Variants in AARS1 observed in about 807,000 individuals in gnomAD.
The protein encoded by AARS1 is alanine--tRNA ligase, cytoplasmic.
AARS1 carries 72 observed loss-of-function variants against 108.9 expected under a neutral mutation model. That is an observed-to-expected ratio of 0.66 (90% confidence interval 0.55 to 0.80). AARS1 has a LOEUF of 0.80. AARS1 is among the 30% of genes least tolerant of loss of function. The probability of loss-of-function intolerance (pLI) is 0.00; values close to 1 mark genes in which losing one functional copy is unlikely to be tolerated. For missense variants in AARS1, 1,193 were observed against 1,233.2 expected (o/e 0.97, Z 0.49); for synonymous variants, 489 against 465.7 (o/e 1.05, Z -0.64).
chr16:70,285,075 A>G (rs1375547015), intron 1 of AARS1, among the ~76,000 whole-genome samples: 1 of 152,164 alleles, frequency 6.6e-6, no homozygotes, highest in Non-Finnish European at 1.5e-5. Flanking sequence ...ACTAAAATAC[A>G]AAAATTAGCC....
rs1301173556 is a variant in AARS1, at chr16:70,265,086, T to C, written c.1364A>G (p.Lys455Arg). The C allele has an allele frequency of 1.2e-6, 2 of 1,614,128 alleles. No individual in the cohort carries two copies. The highest frequency in any genetic ancestry group is 1.1e-5 in the South Asian group (1 of 91,084). The change falls in exon 11 of 21, where the codon AAG becomes AGG. Residue 455 changes from lysine (K) to arginine (R), a missense_variant. Coordinates refer to ENST00000261772, the MANE Select transcript of AARS1 (RefSeq NM_001605.3). The stretch of plus-strand genomic sequence containing the variant: ...AATGAGGTCTTCCCCACCAGCTCCC[T>C]TGCCCTGTGATTTCAGCTGTCAGCA... ...RKLAQLKSQGKGAGGEDLIML... is the reference protein window; with the variant it reads ...RKLAQLKSQGRGAGGEDLIML...
At position 70,252,758 on chromosome 16, in the gene AARS1, G is replaced by T. The variant is rs146540551; in HGVS notation, c.2870C>A (p.Ser957Tyr). 2.5e-6 allele frequency: 4 copies of T among 1,614,176 alleles called. No homozygotes were observed. In the Middle Eastern group the frequency reaches 4.9e-4, roughly 200 times the overall value. The change falls in exon 21 of 21, where the codon TCC becomes TAC. Residue 957 changes from serine (S) to tyrosine (Y), a missense_variant. By Grantham distance (144) the Ser-to-Tyr change is moderately radical. Transcript: ENST00000261772. ...ATCCCCGAGGCGCAGCTGGGCGAAG[G>T]AAGTGGCCAGCTGCAGCGCCTCCTG... ...CLQEALQLAT[S>Y]FAQLRLGDVK...
At chr16:70,259,824 G>A (rs1960091071) in intron 13 of AARS1, among the ~76,000 whole-genome samples, 1 of 151,748 alleles carries the variant, frequency 6.6e-6, no homozygotes, top group African/African-American at 2.4e-5. Context: ...CCAGTCTGGA[G>A]TGCTATGGCA....
At position 70,258,042 on chromosome 16, in the gene AARS1, C is replaced by G; in HGVS notation, c.2168G>C (p.Cys723Ser). The G allele has an allele frequency of 2.5e-6, 4 of 1,614,156 alleles. No individual in the cohort carries two copies. The highest frequency in any genetic ancestry group is 2.5e-6 in the Non-Finnish European group (3 of 1,180,046). The stretch of plus-strand genomic sequence containing the variant: ...CCTCTGCAGTACTCACGTTCCCCCA[C>G]AGAACTCAACAGAAGTCAGGGAGCC... ...PAGSLTSVEF[C>S]GGTHLRNSSH... is the part of the protein sequence containing the mutation. Residue 723 changes from cysteine to serine, a missense_variant, in exon 15 of 21, where the codon TGT becomes TCT. Coordinates refer to ENST00000261772, the MANE Select transcript of AARS1 (RefSeq NM_001605.3).
chr16:70,277,084 G>T lies in AARS1; in HGVS notation c.215C>A (p.Thr72Asn). Residue 72 changes from threonine to asparagine, a missense_variant, in exon 3 of 21, where the codon ACC (threonine) becomes AAC (asparagine). Thr to Asn is a moderately conservative substitution (Grantham distance 65, BLOSUM62 0). Transcript: ENST00000261772. Reference sequence around the variant, plus strand: ...GCCCCCAGCCCGGATGCACTTCTGGGTATTGGCAGCTCTGCTCAGCTTTGC... The same window carrying T: ...GCCCCCAGCCCGGATGCACTTCTGGTTATTGGCAGCTCTGCTCAGCTTTGC... ...PMAKLSRAANTQKCIRAGGKH... is the reference protein window; with the variant it reads ...PMAKLSRAANNQKCIRAGGKH... The T allele has an allele frequency of 6.2e-7, 1 of 1,614,162 alleles. No homozygotes were observed. The highest frequency in any genetic ancestry group is 1.7e-5 in the Admixed American group (1 of 60,002).
At chr16:70,265,695 A>AC (rs1567605944) in intron 9 of AARS1, 33 bp from the exon 10 acceptor site, 1 of 1,611,484 alleles carries the variant, frequency 6.2e-7, no homozygotes, top group Non-Finnish European at 8.5e-7. Context: ...GTCAAAAAAA[A>AC]CAGACAGCCC....
intron 5 of AARS1, 25 bp downstream of exon 5, chr16:70,271,756 G>A (rs1255141628): frequency 3.1e-6 from 5 of 1,611,934 alleles, no homozygotes; most frequent in Non-Finnish European, 3.4e-6. Flanking sequence ...TCAAGGAAAG[G>A]AATGGAGTAG....
In AARS1 at chr16:70,282,767, G is replaced by C; in HGVS notation, c.-4C>G. On this transcript the variant is annotated 5_prime_UTR_variant, in exon 2 of 21. Transcript: ENST00000261772. ...TTGCTGTTAGAGTAGAGTCCATCTT[G>C]AAAGTCACCCCAAAGAACTAATCAA... 6.2e-7 allele frequency: 1 copy of C among 1,613,890 alleles called. No individual in the cohort carries two copies.
At chr16:70,275,112 T>C (rs1038647171) in intron 4 of AARS1, among the ~76,000 whole-genome samples, 1 of 151,266 alleles carries the variant, frequency 6.6e-6, no homozygotes, top group Non-Finnish European at 1.5e-5. Flanking sequence ...ATACAAAAAT[T>C]AGCCAGGTGT....
chr16:70,270,085 G>C (rs1421541905), intron 6 of AARS1, 111 bp downstream of exon 6: 1 of 1,347,414 alleles, frequency 7.4e-7, no homozygotes, highest in Non-Finnish European at 1.1e-6. Context: ...AGATGGAAAT[G>C]GGTACCCTTG....
chr16:70,282,610 A>C lies in AARS1; in HGVS notation c.144+10T>G. The C allele has an allele frequency of 6.2e-7, 1 of 1,614,108 alleles. No homozygotes were observed. Among genetic ancestry groups the C allele is most frequent in the Non-Finnish European group, 8.5e-7 (1 of 1,180,030 alleles). On this transcript the variant is annotated intron_variant, in intron 2 of 20. Coordinates refer to ENST00000261772, the MANE Select transcript of AARS1 (RefSeq NM_001605.3). ...GAACCAAAAGCCAAGAAAAAAGGAA[A>C]AACCCTTACCTGGTTCATGCCTGCA...
At chr16:70,267,563 A>T in intron 9 of AARS1, 96 bp downstream of exon 9, 1 of 1,469,092 alleles carries the variant, frequency 6.8e-7, no homozygotes, top group Non-Finnish European at 9.5e-7. Flanking sequence ...TCAGCCTCAG[A>T]GACATGAGAG....
At chr16:70,259,431 G>A (rs946025207) in intron 13 of AARS1, among the ~76,000 whole-genome samples, 3 of 152,092 alleles carry the variant, frequency 2.0e-5, no homozygotes, top group Non-Finnish European at 2.9e-5. Context: ...CTTTTCCACC[G>A]CCTAGAACAG....
chr16:70,262,136 C>A (rs969268245), intron 12 of AARS1, among the ~76,000 whole-genome samples: 1 of 152,152 alleles, frequency 6.6e-6, no homozygotes, highest in Non-Finnish European at 1.5e-5. Context: ...AACTTGTACC[C>A]TGGCTGCAAA....
chr16:70,266,598 T>C (rs1357383197), intron 9 of AARS1, among the ~76,000 whole-genome samples: 1 of 150,876 alleles, frequency 6.6e-6, no homozygotes, highest in Non-Finnish European at 1.5e-5. Flanking sequence ...CTCGGCTCAT[T>C]GCACTCTCCA....
At chr16:70,278,314 C>T (rs909464379) in intron 2 of AARS1, among the ~76,000 whole-genome samples, 1 of 151,790 alleles carries the variant, frequency 6.6e-6, no homozygotes, top group South Asian at 2.1e-4. Flanking sequence ...CCTGTAATCC[C>T]CAGCACTTCA....
chr16:70,265,717 C>T, intron 9 of AARS1, 55 bp from the exon 10 acceptor site: 1 of 1,606,876 alleles, frequency 6.2e-7, no homozygotes, highest in South Asian at 1.1e-5. Context: ...TTTTCCATGC[C>T]AAGCCCTCCA....
intron 1 of AARS1, among the ~76,000 whole-genome samples, chr16:70,288,091 CCTT>C (rs1380374409): frequency 0.018 from 2,590 of 141,196 alleles, 116 homozygotes; most frequent in African/African-American, 0.067. Context: ...ACAGCCTTCC[CCTT>C]CTTCTTTTTT....
intron 4 of AARS1, among the ~76,000 whole-genome samples, chr16:70,274,927 T>C (rs1041788745): frequency 6.7e-6 from 1 of 149,730 alleles, no homozygotes; most frequent in Admixed American, 6.7e-5. Flanking sequence ...TTTAAAACTA[T>C]ATAAAGTAAA....
Sources: allele counts gnomAD v4.1 joint callset (sites outside exome capture counted in the v4.1 genomes callset), GRCh38; gene constraint gnomAD v4.1.1; transcripts MANE v1.5; gene names NCBI Gene and HGNC (gene_info 2026-07-23, HGNC 2026-07-21).